PRMT3: variants seen among roughly 807,000 people sequenced by gnomAD.
PRMT3 encodes the protein protein arginine N-methyltransferase 3.
A neutral mutation model predicts 71.9 loss-of-function variants in PRMT3; 62 were observed. The ratio of observed to expected loss-of-function variants is 0.86; its 90% CI spans 0.70 to 1.07. The LOEUF is 1.07. Among genes scored for constraint, PRMT3 ranks in the 50% least tolerant of loss-of-function variants. PRMT3 has a pLI of 0.00. For missense variants in PRMT3, 663 were observed against 643.0 expected, an observed-to-expected ratio of 1.03 and a Z score of -0.34; for synonymous variants, 213 against 220.4, an observed-to-expected ratio of 0.97 and a Z score of 0.30.
In PRMT3 at chr11:20,397,656, G is replaced by A; in HGVS notation, c.640G>A (p.Glu214Lys). 2 of 1,614,178 alleles carry A rather than the reference G, an allele frequency of 1.2e-6. No homozygotes were observed. The highest frequency in any genetic ancestry group is 8.5e-7 in the Non-Finnish European group (1 of 1,180,024). The change falls in exon 7 of 16, where the codon GAG becomes AAG. Residue 214 changes from glutamate (E) to lysine (K), a missense_variant. Coordinates refer to ENST00000331079, the MANE Select transcript of PRMT3 (RefSeq NM_005788.4). ...TACTAGTGTCATTGCGGACCTCCAG[G>A]AGGATGAGGATGGTGTTTATTTCAG... ...SSTSVIADLQ[E>K]DEDGVYFSSY...
intron 10 of PRMT3, among the ~76,000 whole-genome samples, chr11:20,432,021 G>A (rs1419095938): frequency 4.6e-5 from 7 of 152,016 alleles, no homozygotes; most frequent in Non-Finnish European, 1.0e-4. Context: ...TGAAAGCAAA[G>A]GGAATAGAAA....
At chr11:20,481,797 C>T (rs955270099) in intron 13 of PRMT3, among the ~76,000 whole-genome samples, 1 of 151,978 alleles carries the variant, frequency 6.6e-6, no homozygotes, top group Admixed American at 6.6e-5. Flanking sequence ...TCATTTTATC[C>T]TTCATTTTTC....
At chr11:20,427,003 A>C (rs1156255866) in intron 10 of PRMT3, 138 bp downstream of exon 10, 1 of 1,215,262 alleles carries the variant, frequency 8.2e-7, no homozygotes, top group African/African-American at 1.6e-5. Context: ...ATTAGATACT[A>C]TAATGTGTAA....
At chr11:20,406,323 GT>G (rs1399933403) in intron 8 of PRMT3, 2 of 152,208 alleles carry the variant, frequency 1.3e-5, no homozygotes, top group African/African-American at 4.8e-5. Flanking sequence ...GAAGCAATTT[GT>G]TTTCCCGAAT....
At chr11:20,498,294 AACTC>A (rs1851378580) in intron 15 of PRMT3, among the ~76,000 whole-genome samples, 1 of 152,220 alleles carries the variant, frequency 6.6e-6, no homozygotes, top group Non-Finnish European at 1.5e-5. Flanking sequence ...ACATCGAAGA[AACTC>A]AATTAACCCG....
chr11:20,450,302 G>A (rs1331327214), intron 10 of PRMT3, among the ~76,000 whole-genome samples: 2 of 151,838 alleles, frequency 1.3e-5, no homozygotes, highest in African/African-American at 2.4e-5. Context: ...TCTTTTCTTC[G>A]TAAGATAGAT....
intron 9 of PRMT3, among the ~76,000 whole-genome samples, chr11:20,420,571 C>T (rs986464530): frequency 7.9e-5 from 12 of 152,170 alleles, no homozygotes; most frequent in Non-Finnish European, 1.6e-4. Context: ...ACTGCGTATG[C>T]GAGGGATCTA....
At chr11:20,429,478 C>T (rs952245357) in intron 10 of PRMT3, among the ~76,000 whole-genome samples, 4 of 152,196 alleles carry the variant, frequency 2.6e-5, no homozygotes, top group African/African-American at 9.6e-5. Flanking sequence ...CCTTTCACTT[C>T]AGAGCGTTGG....
intron 11 of PRMT3, among the ~76,000 whole-genome samples, chr11:20,456,947 C>A (rs549392315): frequency 1.3e-5 from 2 of 152,192 alleles, no homozygotes; most frequent in Non-Finnish European, 2.9e-5. Context: ...GATCTTGGCT[C>A]ACTGCAACCT....
intron 15 of PRMT3, among the ~76,000 whole-genome samples, chr11:20,499,179 TAA>T (rs1362174222): frequency 6.6e-6 from 1 of 152,264 alleles, no homozygotes; most frequent in African/African-American, 2.4e-5. Context: ...TAATGTATTG[TAA>T]AGTTTTTACA....
At chr11:20,389,005 A>T (rs1185809191) in intron 2 of PRMT3, among the ~76,000 whole-genome samples, 1 of 152,192 alleles carries the variant, frequency 6.6e-6, no homozygotes, top group African/African-American at 2.4e-5. Context: ...GCCTGTATAT[A>T]TTCTAGTTGT....
At chr11:20,399,945 A>C (rs1848913194) in intron 7 of PRMT3, among the ~76,000 whole-genome samples, 1 of 152,206 alleles carries the variant, frequency 6.6e-6, no homozygotes, top group Non-Finnish European at 1.5e-5. Flanking sequence ...TGTGCAGTGT[A>C]ATTTCCTCCC....
At chr11:20,408,499 T>C (rs1392064079) in intron 9 of PRMT3, among the ~76,000 whole-genome samples, 3 of 152,192 alleles carry the variant, frequency 2.0e-5, no homozygotes, top group East Asian at 1.9e-4. Flanking sequence ...AATTCCAAAG[T>C]TGCTGAAAAC....
chr11:20,410,780 C>T (rs948868969), intron 9 of PRMT3, among the ~76,000 whole-genome samples: 9 of 152,010 alleles, frequency 5.9e-5, no homozygotes, highest in African/African-American at 1.9e-4. Flanking sequence ...TGTCAATTTG[C>T]ATCTATTAGT....
chr11:20,483,049 G>T (rs1850980403), intron 13 of PRMT3, among the ~76,000 whole-genome samples: 1 of 151,894 alleles, frequency 6.6e-6, no homozygotes, highest in Admixed American at 6.6e-5. Flanking sequence ...AGAAAATAGG[G>T]TATATCACAT....
intron 13 of PRMT3, among the ~76,000 whole-genome samples, chr11:20,465,375 A>G (rs1331625481): frequency 2.0e-5 from 3 of 151,984 alleles, no homozygotes; most frequent in Non-Finnish European, 2.9e-5. Context: ...TATTTTAAAA[A>G]TATATGGTTT....
intron 13 of PRMT3, among the ~76,000 whole-genome samples, chr11:20,466,472 A>G (rs1850514990): frequency 2.0e-5 from 3 of 152,142 alleles, no homozygotes; most frequent in South Asian, 4.1e-4. Flanking sequence ...CAACCCAGGT[A>G]GGCCATGTTC....
intron 3 of PRMT3, among the ~76,000 whole-genome samples, chr11:20,390,612 T>G (rs1214725246): frequency 6.6e-6 from 1 of 152,268 alleles, no homozygotes; most frequent in Non-Finnish European, 1.5e-5. Flanking sequence ...ATTGAAACTT[T>G]TATTTAAACA....
chr11:20,458,917 T>C (rs1365229911), intron 11 of PRMT3, among the ~76,000 whole-genome samples: 1 of 152,190 alleles, frequency 6.6e-6, no homozygotes, highest in Admixed American at 6.5e-5. Context: ...TTTTTTCTTA[T>C]AAAAAAGTTA....
Sources: gnomAD v4.1 joint callset for allele counts (sites outside exome capture counted in the v4.1 genomes callset) on GRCh38, gnomAD v4.1.1 for gene constraint, MANE v1.5 for transcripts, NCBI Gene and HGNC (gene_info 2026-07-23, HGNC 2026-07-21) for gene names.